Variants in GPC6 observed in about 807,000 individuals in gnomAD.
GPC6 encodes the protein glypican-6.
Under a neutral mutation model 55.2 loss-of-function variants are expected in GPC6, and 14 were observed. The observed-to-expected ratio is 0.25, with a 90% CI of 0.17 to 0.40. The LOEUF (loss-of-function observed/expected upper bound fraction) is 0.40. Among genes scored for constraint, GPC6 ranks in the 10% least tolerant of loss-of-function variants. The probability of loss-of-function intolerance (pLI) is 1.00; values close to 1 mark genes in which losing one functional copy is unlikely to be tolerated. For missense variants in GPC6, 641 were observed against 708.5 expected (o/e 0.90, Z 1.08); for synonymous variants, 278 against 259.6 (o/e 1.07, Z -0.68).
chr13:93,280,657 C>T (rs1049926008), intron 1 of GPC6, among the ~76,000 whole-genome samples: 1 of 152,210 alleles, frequency 6.6e-6, no homozygotes, highest in African/African-American at 2.4e-5. Flanking sequence ...AAGGGAATGC[C>T]CTACATAGGG....
At chr13:93,747,813 A>G (rs1326075235) in intron 2 of GPC6, among the ~76,000 whole-genome samples, 3 of 152,142 alleles carry the variant, frequency 2.0e-5, no homozygotes, top group East Asian at 1.9e-4. Context: ...GTTTCAACCT[A>G]CAATGGGTTT....
intron 1 of GPC6, among the ~76,000 whole-genome samples, chr13:93,416,036 A>C (rs1258508766): frequency 6.6e-6 from 1 of 152,128 alleles, no homozygotes; most frequent in Admixed American, 6.6e-5. Context: ...GGCTTTGTGA[A>C]ATTGTCAGGC....
rs1881139828 is a variant in GPC6, at chr13:94,401,744, TCTTCA to T, written c.1466-1267_1466-1263del. 1.3e-5 allele frequency among the ~76,000 whole-genome samples: 2 copies of T among 152,194 alleles called. 1 individual carries two copies. Among genetic ancestry groups the T allele is most frequent in the African/African-American group, 4.8e-5 (2 of 41,462 alleles). On this transcript the variant is annotated intron_variant, in intron 8 of 8. Transcript: ENST00000377047. ...ACACTTTTTACATGTCATAAAATAT[TCTTCA>T]CTTGATTTTTTTCAAACACTTAAAA...
chr13:93,763,386 T>A (rs1186294759), intron 2 of GPC6, among the ~76,000 whole-genome samples: 1 of 152,148 alleles, frequency 6.6e-6, no homozygotes, highest in Non-Finnish European at 1.5e-5. Flanking sequence ...GGTGGTGAGG[T>A]GGCTCTTTCT....
intron 1 of GPC6, among the ~76,000 whole-genome samples, chr13:93,540,893 C>T (rs936070481): frequency 2.0e-5 from 3 of 152,132 alleles, no homozygotes; most frequent in Non-Finnish European, 2.9e-5. Context: ...TTTCAACTTC[C>T]AAGAGATCCT....
intron 4 of GPC6, among the ~76,000 whole-genome samples, chr13:94,053,332 A>G (rs916540987): frequency 6.6e-6 from 1 of 152,106 alleles, no homozygotes; most frequent in Non-Finnish European, 1.5e-5. Flanking sequence ...CAGAGCTAAA[A>G]CTCTGGATTA....
chr13:93,957,722 C>T (rs1395276948), intron 3 of GPC6, among the ~76,000 whole-genome samples: 1 of 152,134 alleles, frequency 6.6e-6, no homozygotes, highest in Non-Finnish European at 1.5e-5. Context: ...GATCTATTTT[C>T]CTTTGAGTAT....
At chr13:93,354,465 C>G (rs1018107351) in intron 1 of GPC6, among the ~76,000 whole-genome samples, 1 of 150,284 alleles carries the variant, frequency 6.7e-6, no homozygotes, top group Admixed American at 6.7e-5. Context: ...ATTCTCCTGC[C>G]TCAGCCTCCC....
chr13:93,749,548 A>G (rs1302132500), intron 2 of GPC6, among the ~76,000 whole-genome samples: 1 of 152,086 alleles, frequency 6.6e-6, no homozygotes, highest in Non-Finnish European at 1.5e-5. Flanking sequence ...TTTATTTTCA[A>G]ACAGATTACA....
Position 93,493,536 on chromosome 13 carries a change from G to C in GPC6, c.161-51727G>C, listed in dbSNP as rs1173276292. Among the ~76,000 whole-genome samples, 6 of 121,100 alleles carry C rather than the reference G, an allele frequency of 5.0e-5. No individual in the cohort carries two copies. The Admixed American group carries it at 5.1e-4, about 10-fold the overall frequency. The allele number at this position is 121,100 out of a possible 152,430, so 79.4% of individuals were successfully genotyped here. A position where few individuals can be genotyped will look rare whatever the true frequency, so the allele number is the denominator to read the frequency against. ...TCTCTATTTCCTTCAGTTCTGCTCT[G>C]ATCTTGGTTATTTCTTGCCTTCTGC... On this transcript the variant is annotated intron_variant, in intron 1 of 8. Transcript: ENST00000377047.
chr13:93,614,082 G>T (rs1383052913), intron 2 of GPC6, among the ~76,000 whole-genome samples: 1 of 152,132 alleles, frequency 6.6e-6, no homozygotes, highest in Non-Finnish European at 1.5e-5. Flanking sequence ...AGGAGGAATA[G>T]ACTTTATTTT....
intron 4 of GPC6, among the ~76,000 whole-genome samples, chr13:94,070,846 C>T (rs926048339): frequency 3.3e-5 from 5 of 152,146 alleles, no homozygotes; most frequent in African/African-American, 1.2e-4. Flanking sequence ...GCCTCTAGTG[C>T]GTCTCAACAA....
chr13:93,421,657 C>T (rs1876928507), intron 1 of GPC6, among the ~76,000 whole-genome samples: 1 of 151,824 alleles, frequency 6.6e-6, no homozygotes, highest in Admixed American at 6.6e-5. Context: ...GTGAAATTAC[C>T]CCATGTGTCT....
At position 94,027,883 on chromosome 13, in the gene GPC6, A is replaced by G. The variant is rs771759565; in HGVS notation, c.866A>G (p.Asn289Ser). The G allele has an allele frequency of 1.2e-6, 2 of 1,613,852 alleles. No individual in the cohort carries two copies. The highest frequency in any genetic ancestry group is 3.3e-5 in the Admixed American group (2 of 60,008). The change falls in exon 4 of 9, where the codon AAT (asparagine) becomes AGT (serine). Residue 289 changes from asparagine (N) to serine (S), a missense_variant. By Grantham distance (46) the Asn-to-Ser change is conservative (BLOSUM62 1). Coordinates refer to ENST00000377047, the MANE Select transcript of GPC6 (RefSeq NM_005708.5). ...ANQADLDTEWNLFIDAMLLVA... is the reference protein window; with the variant it reads ...ANQADLDTEWSLFIDAMLLVA... Reference sequence around the variant, plus strand: ...CAGGCTGACCTCGACACAGAGTGGAATCTGTTTATAGGTAAGAAGTGTTTA... The same window carrying G: ...CAGGCTGACCTCGACACAGAGTGGAGTCTGTTTATAGGTAAGAAGTGTTTA...
intron 4 of GPC6, among the ~76,000 whole-genome samples, chr13:94,213,598 G>A (rs1890146766): frequency 6.6e-6 from 1 of 152,166 alleles, no homozygotes; most frequent in South Asian, 2.1e-4. Context: ...GGTCTAGGAT[G>A]GTCTCACCTG....
intron 3 of GPC6, among the ~76,000 whole-genome samples, chr13:93,847,007 G>A (rs1289900277): frequency 3.9e-5 from 6 of 152,044 alleles, no homozygotes; most frequent in Non-Finnish European, 4.4e-5. Flanking sequence ...TTTATTTCAC[G>A]ATTATTCATA....
intron 1 of GPC6, among the ~76,000 whole-genome samples, chr13:93,462,234 T>C (rs1192941963): frequency 1.3e-5 from 2 of 152,166 alleles, no homozygotes; most frequent in African/African-American, 4.8e-5. Context: ...TCATCATCCT[T>C]GAAAAGATCT....
At chr13:94,300,382 A>G (rs1875585984) in intron 5 of GPC6, among the ~76,000 whole-genome samples, 1 of 152,200 alleles carries the variant, frequency 6.6e-6, no homozygotes, top group Non-Finnish European at 1.5e-5. Flanking sequence ...TAAAGGAAAA[A>G]TACTTGTATT....
At chr13:94,201,996 A>G in intron 4 of GPC6, among the ~76,000 whole-genome samples, 1 of 152,144 alleles carries the variant, frequency 6.6e-6, no homozygotes, top group East Asian at 1.9e-4. Flanking sequence ...AATAGGAGAA[A>G]AACCTTGATA....
Sources: gnomAD v4.1 joint callset for allele counts (sites outside exome capture counted in the v4.1 genomes callset) on GRCh38, gnomAD v4.1.1 for gene constraint, MANE v1.5 for transcripts, NCBI Gene and HGNC (gene_info 2026-07-23, HGNC 2026-07-21) for gene names.